PCDHA7: variants seen among roughly 807,000 people sequenced by gnomAD.
The protein encoded by PCDHA7 is protocadherin alpha-7.
A neutral mutation model predicts 57.2 loss-of-function variants in PCDHA7; 37 were observed. The observed-to-expected ratio is 0.65, with a 90% CI of 0.50 to 0.85. The LOEUF (loss-of-function observed/expected upper bound fraction) is 0.85. PCDHA7 is among the 40% of genes least tolerant of loss of function. PCDHA7 has a pLI of 0.00. For synonymous variants in PCDHA7, 553 were observed against 558.8 expected (o/e 0.99, Z 0.15); for missense variants, 1,188 against 1,241.8 (o/e 0.96, Z 0.65).
chr5:140,848,521 C>T lies in PCDHA7; in HGVS notation c.2355+11783C>T, dbSNP rs2150411815. The T allele has an allele frequency of 1.3e-6, 2 of 1,592,868 alleles. 1 individual carries two copies. The highest frequency in any genetic ancestry group is 1.7e-6 in the Non-Finnish European group (2 of 1,164,010). On this transcript the variant is annotated intron_variant, in intron 1 of 3. Coordinates refer to ENST00000525929, the MANE Select transcript of PCDHA7 (RefSeq NM_018910.3). Reference sequence around the variant, plus strand: ...ATGTTATACTCAAGTCGAGGAGATCCAGAGGGTCAGCCTCTACTGCTCTCG... The same window carrying T: ...ATGTTATACTCAAGTCGAGGAGATCTAGAGGGTCAGCCTCTACTGCTCTCG...
Position 140,872,869 on chromosome 5 carries a change from T to G in PCDHA7, c.2355+36131T>G, listed in dbSNP as rs192241401. On this transcript the variant is annotated intron_variant, in intron 1 of 3. Coordinates refer to ENST00000525929, the MANE Select transcript of PCDHA7 (RefSeq NM_018910.3). ...ATTAATGTGAGTACCTACTGACAAT[T>G]ATCAGTTTCATTCATCTCACTTTGT... is the stretch of plus-strand genomic sequence containing the variant. 4.6e-5 allele frequency among the ~76,000 whole-genome samples: 7 copies of G among 152,364 alleles called. No individual in the cohort carries two copies. In the East Asian group the frequency reaches 1.3e-3, roughly 29 times the overall value.
chr5:141,000,737 G>A (rs1449947824), intron 3 of PCDHA7, among the ~76,000 whole-genome samples: 21 of 149,738 alleles, frequency 1.4e-4, no homozygotes, highest in African/African-American at 5.0e-4. Context: ...CCCTATCTCT[G>A]TATATTAAAA....
intron 1 of PCDHA7, chr5:140,876,905 C>T (rs782526620): frequency 2.5e-6 from 4 of 1,614,032 alleles, no homozygotes; most frequent in Non-Finnish European, 3.4e-6. Context: ...TTCACGGTGT[C>T]GGCATGGGAC....
intron 1 of PCDHA7, among the ~76,000 whole-genome samples, chr5:140,895,413 C>G (rs141941836): frequency 6.6e-6 from 1 of 152,122 alleles, no homozygotes; most frequent in Non-Finnish European, 1.5e-5. Flanking sequence ...GCCCCATAAC[C>G]TTCTTTTGCT....
Position 140,886,556 on chromosome 5 carries a change from G to A in PCDHA7, c.2355+49818G>A, listed in dbSNP as rs368447778. On this transcript the variant is annotated intron_variant, in intron 1 of 3. Coordinates refer to ENST00000525929, the MANE Select transcript of PCDHA7 (RefSeq NM_018910.3). ...TAGAAAGGTCTTCCCAGCTGGGCACGGTGGCTCACGCCTGTAATCCCAGCA... is the reference window on the plus strand; with the variant it reads ...TAGAAAGGTCTTCCCAGCTGGGCACAGTGGCTCACGCCTGTAATCCCAGCA... Among the ~76,000 whole-genome samples, 30 of 151,832 alleles carry A rather than the reference G, an allele frequency of 2.0e-4. No individual in the cohort carries two copies. The East Asian group carries it at 5.5e-3, about 28-fold the overall frequency.
intron 1 of PCDHA7, among the ~76,000 whole-genome samples, chr5:140,905,904 C>T (rs2072197856): frequency 6.6e-6 from 1 of 152,160 alleles, no homozygotes; most frequent in African/African-American, 2.4e-5. Context: ...AGCTGAGGAG[C>T]AAGGAATCCA....
At position 140,846,681 on chromosome 5, in the gene PCDHA7, C is replaced by T. The variant is rs1425082989; in HGVS notation, c.2355+9943C>T. Reference sequence around the variant, plus strand: ...GAGCCACCGCGCCCAGCCTAAAATGCTTTCTTAGCAAGTAGAGAAGATTGT... The same window carrying T: ...GAGCCACCGCGCCCAGCCTAAAATGTTTTCTTAGCAAGTAGAGAAGATTGT... On this transcript the variant is annotated intron_variant, in intron 1 of 3. Coordinates refer to ENST00000525929, the MANE Select transcript of PCDHA7 (RefSeq NM_018910.3). Among the ~76,000 whole-genome samples, 2 of 149,174 alleles carry T rather than the reference C, an allele frequency of 1.3e-5. 1 individual carries two copies. The highest frequency in any genetic ancestry group is 1.3e-4 in the Admixed American group (2 of 14,874).
chr5:140,946,806 T>A (rs965284033), intron 1 of PCDHA7, among the ~76,000 whole-genome samples: 20 of 151,184 alleles, frequency 1.3e-4, no homozygotes, highest in African/African-American at 4.6e-4. Context: ...GCAGAGAGTA[T>A]AACAGTGATT....
rs369562052 is a variant in PCDHA7, at chr5:140,877,058, A to G, written c.2355+40320A>G. On this transcript the variant is annotated intron_variant, in intron 1 of 3. Transcript: ENST00000525929. Reference sequence around the variant, plus strand: ...CAGCCGCTAGACCACGAGGAGCTGGAGCTGCTGCAGTTCCAGGTGAGCGCG... The same window carrying G: ...CAGCCGCTAGACCACGAGGAGCTGGGGCTGCTGCAGTTCCAGGTGAGCGCG... The G allele has an allele frequency of 1.9e-6, 3 of 1,612,726 alleles. No homozygotes were observed. The African/African-American group carries it at 4.0e-5, about 22-fold the overall frequency.
chr5:140,838,074 TATAGTGTGTG>T (rs1562368260), intron 1 of PCDHA7, among the ~76,000 whole-genome samples: 2 of 120,528 alleles, frequency 1.7e-5, no homozygotes, highest in African/African-American at 6.6e-5. Flanking sequence ...GTTATATATA[TATAGTGTGTG>T]TGTGTGTGTG....
rs1554204607 is a variant in PCDHA7 at position 140,927,485 on chromosome 5, C to G, written c.2356-51464C>G. On this transcript the variant is annotated intron_variant, in intron 1 of 3. Transcript: ENST00000525929. ...GCACTGGATCGCGAACAGCGCGCCA[C>G]CCACCTGCTGGTGCTTACAGCTCGG... is the stretch of plus-strand genomic sequence containing the variant. The G allele has an allele frequency of 2.5e-6, 4 of 1,614,098 alleles. No individual in the cohort carries two copies. In the Admixed American group the frequency reaches 6.7e-5, roughly 27 times the overall value.
Position 140,848,616 on chromosome 5 carries a change from C to T in PCDHA7, c.2355+11878C>T, listed in dbSNP as rs1196599675. ...CTACTCCGTCCCGGAGGAAGCCGAA[C>T]ACGGCACCTTCGTGGGCCGCATCGC... On this transcript the variant is annotated intron_variant, in intron 1 of 3. Transcript: ENST00000525929. 1.3e-5 allele frequency: 21 copies of T among 1,593,464 alleles called. 4 individuals carry two copies. The highest frequency in any genetic ancestry group is 1.8e-5 in the Non-Finnish European group (21 of 1,163,958).
At chr5:140,998,415 C>T (rs1554256243) in intron 3 of PCDHA7, among the ~76,000 whole-genome samples, 1 of 152,158 alleles carries the variant, frequency 6.6e-6, no homozygotes, top group African/African-American at 2.4e-5. Context: ...GTTTATCTAC[C>T]TGGTTTATCC....
At chr5:140,842,323 C>T (rs2150334082) in intron 1 of PCDHA7, 26 of 1,607,134 alleles carry the variant, frequency 1.6e-5, no homozygotes, top group Non-Finnish European at 2.2e-5. Flanking sequence ...CGGGTCATTG[C>T]ACCGTTTTAG....
intron 1 of PCDHA7, chr5:140,850,814 C>T: frequency 6.3e-7 from 1 of 1,598,286 alleles, no homozygotes; most frequent in South Asian, 1.1e-5. Context: ...TGGCCTTCAG[C>T]CCGGGCCTTT....
intron 1 of PCDHA7, among the ~76,000 whole-genome samples, chr5:140,957,285 G>GT (rs1554222913): frequency 6.6e-6 from 1 of 152,144 alleles, no homozygotes; most frequent in Non-Finnish European, 1.5e-5. Flanking sequence ...CTTACCTGCA[G>GT]TTTCACTCTG....
At position 140,834,719 on chromosome 5, in the gene PCDHA7, G is replaced by A. The variant is rs141120342; in HGVS notation, c.336G>A (p.Arg112=). Residue 112 remains arginine (R), a synonymous_variant, in exon 1 of 4, where the codon AGG becomes AGA. Coordinates refer to ENST00000525929, the MANE Select transcript of PCDHA7 (RefSeq NM_018910.3). ...CSIHLEVIVE[R]PLQVFHVDVE... is the part of the protein sequence containing the mutation. ...TCCACCTGGAGGTGATCGTGGAAAG[G>A]CCGCTGCAGGTTTTCCATGTGGACG... 8.2e-5 allele frequency: 132 copies of A among 1,614,242 alleles called. No homozygotes were observed. In the African/African-American group the frequency reaches 1.7e-3, roughly 21 times the overall value.
chr5:140,839,415 G>A (rs1374015208), intron 1 of PCDHA7, among the ~76,000 whole-genome samples: 2 of 151,792 alleles, frequency 1.3e-5, no homozygotes, highest in African/African-American at 4.8e-5. Context: ...TTTGAGACAG[G>A]GTCTCACTCT....
At chr5:140,988,503 GAA>G (rs2097300771) in intron 3 of PCDHA7, among the ~76,000 whole-genome samples, 1 of 152,152 alleles carries the variant, frequency 6.6e-6, no homozygotes, top group Non-Finnish European at 1.5e-5. Flanking sequence ...GAGAAGCCAT[GAA>G]GCTTACTTAA....
Sources: allele counts gnomAD v4.1 joint callset (sites outside exome capture counted in the v4.1 genomes callset), GRCh38; gene constraint gnomAD v4.1.1; transcripts MANE v1.5; gene names NCBI Gene and HGNC (gene_info 2026-07-23, HGNC 2026-07-21).